CAMK1G: variants seen among roughly 807,000 people sequenced by gnomAD.
The protein encoded by CAMK1G is calcium/calmodulin-dependent protein kinase type 1G.
A neutral mutation model predicts 54.8 loss-of-function variants in CAMK1G; 27 were observed. The observed-to-expected ratio is 0.49, with a 90% CI of 0.36 to 0.68. The LOEUF (loss-of-function observed/expected upper bound fraction) is 0.68. Among genes scored for constraint, CAMK1G ranks in the 30% least tolerant of loss-of-function variants. The pLI, the probability that CAMK1G is intolerant of heterozygous loss-of-function variation, is 0.00. For missense variants in CAMK1G, 512 were observed against 591.0 expected, an observed-to-expected ratio of 0.87 and a Z score of 1.39; for synonymous variants, 238 against 224.9, an observed-to-expected ratio of 1.06 and a Z score of -0.52.
chr1:209,590,635 G>A (rs1665222123), intron 1 of CAMK1G, among the ~76,000 whole-genome samples: 1 of 152,182 alleles, frequency 6.6e-6, no homozygotes. Flanking sequence ...TCCAGAAGAG[G>A]GAGTGATGGA....
intron 1 of CAMK1G, among the ~76,000 whole-genome samples, chr1:209,587,344 C>T (rs1450573733): frequency 6.6e-6 from 1 of 152,074 alleles, no homozygotes; most frequent in African/African-American, 2.4e-5. Flanking sequence ...TAGAGATGGC[C>T]TAGTCTACAT....
At chr1:209,592,857 A>C (rs910193613) in intron 1 of CAMK1G, among the ~76,000 whole-genome samples, 1 of 152,216 alleles carries the variant, frequency 6.6e-6, no homozygotes, top group Admixed American at 6.5e-5. Context: ...TAATGGCAGA[A>C]GAGGTTCCCT....
intron 4 of CAMK1G, among the ~76,000 whole-genome samples, chr1:209,604,060 G>A (rs930259432): frequency 7.2e-5 from 11 of 152,166 alleles, no homozygotes; most frequent in African/African-American, 2.7e-4. Flanking sequence ...ACTTGCACAT[G>A]CACAGACATA....
chr1:209,588,273 CAGTTT>C (rs1665153400), intron 1 of CAMK1G, among the ~76,000 whole-genome samples: 1 of 152,162 alleles, frequency 6.6e-6, no homozygotes, highest in African/African-American at 2.4e-5. Context: ...TGTCCATGCC[CAGTTT>C]AGGAACACTA....
chr1:209,587,430 T>C (rs955720818), intron 1 of CAMK1G, among the ~76,000 whole-genome samples: 1 of 152,150 alleles, frequency 6.6e-6, no homozygotes, highest in African/African-American at 2.4e-5. Flanking sequence ...AGAATTTCAC[T>C]ATCTACGAAA....
At chr1:209,608,631 T>C (rs1665707031) in intron 7 of CAMK1G, among the ~76,000 whole-genome samples, 1 of 152,192 alleles carries the variant, frequency 6.6e-6, no homozygotes, top group Non-Finnish European at 1.5e-5. Context: ...CCTAAATAAA[T>C]CCTTCATCAA....
At chr1:209,589,900 G>A (rs1223418443) in intron 1 of CAMK1G, among the ~76,000 whole-genome samples, 1 of 152,188 alleles carries the variant, frequency 6.6e-6, no homozygotes, top group African/African-American at 2.4e-5. Flanking sequence ...CCATGAATAA[G>A]GTAATTTTCT....
chr1:209,601,675 G>A (rs555339928), intron 3 of CAMK1G, among the ~76,000 whole-genome samples: 1 of 152,290 alleles, frequency 6.6e-6, no homozygotes, highest in Admixed American at 6.5e-5. Flanking sequence ...ATAAATTAAT[G>A]TTAGCATTGC....
Position 209,609,964 on chromosome 1 carries a change from C to A in CAMK1G, c.827+35C>A, listed in dbSNP as rs143363832. On this transcript the variant is annotated intron_variant, in intron 9 of 12. Coordinates refer to ENST00000361322, the MANE Select transcript of CAMK1G (RefSeq NM_020439.3). ...ACATGGAGTGGACTCTAGACCCCAG[C>A]CCTGTAGTTCCCAAAACCATGCTGA... 3.2e-4 allele frequency: 489 copies of A among 1,524,268 alleles called. 3 individuals carry two copies. Among genetic ancestry groups the A allele is most frequent in the African/African-American group, 1.4e-3 (102 of 73,166 alleles). The allele number at this position is 1,524,268 out of a possible 1,614,324, so 94.4% of individuals were successfully genotyped here. A position where few individuals can be genotyped will look rare whatever the true frequency, so the allele number is the denominator to read the frequency against.
intron 2 of CAMK1G, among the ~76,000 whole-genome samples, chr1:209,596,137 C>T (rs573403768): frequency 1.3e-3 from 204 of 152,288 alleles, no homozygotes; most frequent in Non-Finnish European, 2.2e-3. Flanking sequence ...ACACTCGTGC[C>T]GTAGACAGAG....
chr1:209,602,741 T>A (rs1445840517), intron 3 of CAMK1G, among the ~76,000 whole-genome samples: 3 of 152,224 alleles, frequency 2.0e-5, no homozygotes, highest in Non-Finnish European at 4.4e-5. Flanking sequence ...TTGGGTCCCA[T>A]CTCTAAGGTA....
At chr1:209,605,418 T>G in intron 4 of CAMK1G, 118 bp from the exon 5 acceptor site, 1 of 1,261,886 alleles carries the variant, frequency 7.9e-7, no homozygotes, top group South Asian at 1.4e-5. Flanking sequence ...TCAATCACAG[T>G]TCATGGGGGC....
chr1:209,611,098 GTCTT>G (rs1665768845), intron 9 of CAMK1G, among the ~76,000 whole-genome samples: 1 of 152,174 alleles, frequency 6.6e-6, no homozygotes, highest in East Asian at 1.9e-4. Flanking sequence ...TGGCCATACT[GTCTT>G]TATGGCAACT....
intron 9 of CAMK1G, 73 bp downstream of exon 9, chr1:209,610,002 G>A (rs1403116641): frequency 5.9e-6 from 7 of 1,194,056 alleles, no homozygotes; most frequent in Non-Finnish European, 8.8e-6. Context: ...CATTCATATT[G>A]CATTTCCCTG....
Position 209,609,091 on chromosome 1 carries a change from A to G in CAMK1G, c.747A>G (p.Ser249=), listed in dbSNP as rs1251439870. 1.2e-6 allele frequency: 2 copies of G among 1,614,144 alleles called. No individual in the cohort carries two copies. Among genetic ancestry groups the G allele is most frequent in the Middle Eastern group, 1.7e-4 (1 of 6,058 alleles). The change falls in exon 8 of 13, where the codon TCA becomes TCG. Residue 249 remains serine (S), a splice_region_variant and synonymous_variant. Transcript: ENST00000361322. ...CATTCTGGGATGACATTTCTGAGTCAGGTAAGGCCAGTAGGCATGAAGGAG... is the reference window on the plus strand; with the variant it reads ...CATTCTGGGATGACATTTCTGAGTCGGGTAAGGCCAGTAGGCATGAAGGAG... ...ESPFWDDISE[S]AKDFICHLLE...
At chr1:209,611,434 A>G (rs1210814305) in intron 9 of CAMK1G, 31 bp from the exon 10 acceptor site, 1 of 1,609,808 alleles carries the variant, frequency 6.2e-7, no homozygotes, top group Admixed American at 1.7e-5. Flanking sequence ...ATAGCCACCC[A>G]GTAGCCAGGT....
chr1:209,605,384 C>G, intron 4 of CAMK1G, 152 bp from the exon 5 acceptor site: 1 of 804,612 alleles, frequency 1.2e-6, no homozygotes, highest in East Asian at 2.5e-5. Flanking sequence ...TGTTCTGAGA[C>G]TGGAGTAGTC....
intron 1 of CAMK1G, among the ~76,000 whole-genome samples, chr1:209,586,591 C>A (rs541376743): frequency 1.3e-5 from 2 of 152,140 alleles, no homozygotes; most frequent in Non-Finnish European, 2.9e-5. Context: ...CTTTCTCTTT[C>A]TCCAGTGCTT....
At chr1:209,606,577 A>G in intron 6 of CAMK1G, 134 bp downstream of exon 6, 1 of 992,142 alleles carries the variant, frequency 1.0e-6, no homozygotes. Flanking sequence ...TCCACTTATA[A>G]AGTTTAGGGC....
Sources: gnomAD v4.1 joint callset for allele counts (sites outside exome capture counted in the v4.1 genomes callset) on GRCh38, gnomAD v4.1.1 for gene constraint, MANE v1.5 for transcripts, NCBI Gene and HGNC (gene_info 2026-07-23, HGNC 2026-07-21) for gene names.